The following OTOGL variants were observed in gnomAD, a reference collection of about 807,000 sequenced individuals.
The protein encoded by OTOGL is otogelin-like protein.
Under a neutral mutation model 318.5 loss-of-function variants are expected in OTOGL, and 285 were observed. That is an observed-to-expected ratio of 0.89 (90% CI 0.81 to 0.99). The LOEUF (loss-of-function observed/expected upper bound fraction) is 0.99. Ranked by LOEUF, OTOGL falls within the 50% of genes least tolerant of loss-of-function variation. The probability of loss-of-function intolerance (pLI) is 0.00; values close to 1 mark genes in which losing one functional copy is unlikely to be tolerated. For synonymous variants in OTOGL, 987 were observed against 936.5 expected (o/e 1.05, Z -0.99); for missense variants, 2,899 against 2,845.6 (o/e 1.02, Z -0.43).
At position 80,368,276 on chromosome 12, in the gene OTOGL, T is replaced by C. The variant is rs1278109736; in HGVS notation, c.6582T>C (p.Phe2194=). 6.3e-7 allele frequency: 1 copy of C among 1,599,644 alleles called. No homozygotes were observed. Among genetic ancestry groups the C allele is most frequent in the Non-Finnish European group, 8.5e-7 (1 of 1,171,506 alleles). ...CCTGCAAAAATGTATCCTGCAAATT[T>C]CACATGGAAAATGGAACATCAGTTG... ...CGTCKNVSCK[F]HMENGTSVVY... The change falls in exon 55 of 59, where the codon TTT becomes TTC. Residue 2194 remains phenylalanine (F), a synonymous_variant. Transcript: ENST00000547103.
intron 1 of OTOGL, among the ~76,000 whole-genome samples, chr12:80,106,425 A>C (rs1869458353): frequency 6.6e-6 from 1 of 152,236 alleles, no homozygotes; most frequent in Non-Finnish European, 1.5e-5. Context: ...TATTTGTTTT[A>C]TCTCTCCAGA....
At chr12:80,331,915 G>C (rs2137891731) in intron 37 of OTOGL, among the ~76,000 whole-genome samples, 1 of 152,242 alleles carries the variant, frequency 6.6e-6, no homozygotes, top group East Asian at 1.9e-4. Flanking sequence ...AGAATCAGAG[G>C]AAAGAAGGGA....
chr12:80,242,930 T>C (rs1005890079), intron 11 of OTOGL, among the ~76,000 whole-genome samples: 6 of 152,136 alleles, frequency 3.9e-5, no homozygotes, highest in African/African-American at 7.2e-5. Context: ...CCTTGAATTA[T>C]GCCGTCCTGT....
At position 80,380,056 on chromosome 12, in the gene OTOGL, G is replaced by T. The variant is rs910942598; in HGVS notation, c.*2008G>T. The T allele has an allele frequency of 2.6e-5, 4 of 151,988 alleles. No homozygotes were observed. The highest frequency in any genetic ancestry group is 7.2e-5 in the African/African-American group (3 of 41,434). The allele number at this position is 151,988 out of a possible 1,614,324, so 9.4% of individuals were successfully genotyped here. ...AGTGCAAATTAGCTCTTAATAAATG[G>T]TGTTGGGACAACTGAATGGTTACGT... On this transcript the variant is annotated 3_prime_UTR_variant, in exon 59 of 59. Transcript: ENST00000547103.
chr12:80,362,544 C>A lies in OTOGL; in HGVS notation c.6267+3644C>A, dbSNP rs1174272291. ...TGTCACTGGAATTTTGACAAGGTTG[C>A]ATTGAATCTGTAGAGCAATTTGAGT... On this transcript the variant is annotated intron_variant, in intron 52 of 58. Transcript: ENST00000547103. Among the ~76,000 whole-genome samples the A allele has an allele frequency of 2.0e-5, 3 of 152,196 alleles. No homozygotes were observed. In the East Asian group the frequency reaches 5.8e-4, roughly 29 times the overall value.
At position 80,356,409 on chromosome 12, in the gene OTOGL, T is replaced by C. The variant is rs1401321285; in HGVS notation, c.5807-7T>C. The C allele has an allele frequency of 6.2e-7, 1 of 1,600,300 alleles. No homozygotes were observed. The highest frequency in any genetic ancestry group is 2.2e-5 in the East Asian group (1 of 44,678). ...ACTAATATTTTAACAGTTTTTCTTA[T>C]TTATAGGATGTGACACGACTTTGTG... On this transcript the variant is annotated splice_region_variant and splice_polypyrimidine_tract_variant and intron_variant, in intron 47 of 58. Coordinates refer to ENST00000547103, the MANE Select transcript of OTOGL (RefSeq NM_001378609.3).
At chr12:80,258,145 T>C (rs1305850447) in intron 18 of OTOGL, 143 bp downstream of exon 18, 1 of 781,466 alleles carries the variant, frequency 1.3e-6, no homozygotes, top group African/African-American at 1.8e-5. Flanking sequence ...ATTTAAAATG[T>C]ATAGCAATCT....
At chr12:80,128,595 A>C (rs1871017988) in intron 1 of OTOGL, among the ~76,000 whole-genome samples, 1 of 152,128 alleles carries the variant, frequency 6.6e-6, no homozygotes, top group Admixed American at 6.5e-5. Context: ...AAGTCTGCAG[A>C]GGTTTCTGCT....
chr12:80,182,017 A>G (rs928355434), intron 1 of OTOGL, among the ~76,000 whole-genome samples: 21 of 152,106 alleles, frequency 1.4e-4, no homozygotes, highest in African/African-American at 5.1e-4. Flanking sequence ...ATAAAAAACA[A>G]GTAGCCAGGT....
intron 7 of OTOGL, among the ~76,000 whole-genome samples, chr12:80,226,458 T>C (rs1878866391): frequency 6.6e-6 from 1 of 152,100 alleles, no homozygotes; most frequent in African/African-American, 2.4e-5. Context: ...TCTATAAAAC[T>C]CTTCAATATG....
intron 1 of OTOGL, among the ~76,000 whole-genome samples, chr12:80,170,197 G>GTGTGTGTGTGTGTGTGTATGTA (rs1364770650): frequency 8.4e-6 from 1 of 118,860 alleles, no homozygotes; most frequent in Admixed American, 7.5e-5. Context: ...GTGTGTGTGT[G>GTGTGTGTGTGTGTGTGTATGTA]TGTGTGTGTG....
chr12:80,374,259 A>C lies in OTOGL; in HGVS notation c.6781+2195A>C, dbSNP rs137892970. Reference sequence around the variant, plus strand: ...TTTTCCTGTATGTGTGTCTAACTCCAGATTTCCACTTTTTACATGAACACC... The same window carrying C: ...TTTTCCTGTATGTGTGTCTAACTCCCGATTTCCACTTTTTACATGAACACC... On this transcript the variant is annotated intron_variant, in intron 57 of 58. Transcript: ENST00000547103. Among the ~76,000 whole-genome samples the C allele has an allele frequency of 9.9e-3, 1,503 of 152,190 alleles. 20 individuals are homozygous for C. Among genetic ancestry groups the C allele is most frequent in the African/African-American group, 0.034 (1,397 of 41,518 alleles).
intron 1 of OTOGL, among the ~76,000 whole-genome samples, chr12:80,159,488 T>TA (rs1364165035): frequency 2.0e-5 from 3 of 152,122 alleles, no homozygotes; most frequent in Admixed American, 6.6e-5. Flanking sequence ...GTCTTTTTTT[T>TA]ATTACCATTT....
chr12:80,335,901 A>G (rs867027772), intron 38 of OTOGL, 62 bp from the exon 39 acceptor site: 2 of 1,390,276 alleles, frequency 1.4e-6, no homozygotes, highest in Middle Eastern at 2.1e-4. Flanking sequence ...TGTGGAATTT[A>G]AAAATCAATT....
At chr12:80,245,953 G>A (rs1349269994) in intron 11 of OTOGL, among the ~76,000 whole-genome samples, 1 of 129,226 alleles carries the variant, frequency 7.7e-6, no homozygotes, top group Non-Finnish European at 1.6e-5. Flanking sequence ...TCATGATTTG[G>A]CTCTCTGTTT....
chr12:80,184,981 T>G (rs1358361562), intron 1 of OTOGL, among the ~76,000 whole-genome samples: 6 of 152,196 alleles, frequency 3.9e-5, no homozygotes, highest in Admixed American at 3.9e-4. Context: ...GGTTCAGAGA[T>G]AGATTTAATT....
At chr12:80,178,463 A>G (rs1245018) in intron 1 of OTOGL, among the ~76,000 whole-genome samples, 75,444 of 151,992 alleles carry the variant, frequency 0.5, 19,420 homozygotes, top group African/African-American at 0.63. Context: ...CTCAAGAGGC[A>G]CCTTTTGCAG....
At chr12:80,279,197 T>C in intron 26 of OTOGL, 31 bp downstream of exon 26, 1 of 1,559,110 alleles carries the variant, frequency 6.4e-7, no homozygotes, top group Non-Finnish European at 8.6e-7. Context: ...TTTATTTGCA[T>C]TCGTGTAAAG....
At chr12:80,239,736 C>G (rs1366857910) in intron 11 of OTOGL, among the ~76,000 whole-genome samples, 2 of 152,082 alleles carry the variant, frequency 1.3e-5, no homozygotes, top group East Asian at 3.8e-4. Context: ...ATGCTAGGAA[C>G]ATTCAAATTA....
Sources: allele counts gnomAD v4.1 joint callset (sites outside exome capture counted in the v4.1 genomes callset), GRCh38; gene constraint gnomAD v4.1.1; transcripts MANE v1.5; gene names NCBI Gene and HGNC (gene_info 2026-07-23, HGNC 2026-07-21).